TSPEAR: variants seen among roughly 807,000 people sequenced by gnomAD.
TSPEAR encodes the protein thrombospondin type laminin G domain and EAR repeats.
In TSPEAR, 69 loss-of-function variants were observed where a neutral mutation model predicts 71.6. That is an observed-to-expected ratio of 0.96 (90% CI 0.79 to 1.18). The LOEUF (loss-of-function observed/expected upper bound fraction) is 1.18. Among genes scored for constraint, TSPEAR ranks in the 50% most tolerant of loss-of-function variants. The pLI, the probability that TSPEAR is intolerant of heterozygous loss-of-function variation, is 0.00. For synonymous variants in TSPEAR, 402 were observed against 387.2 expected, an observed-to-expected ratio of 1.04 and a Z score of -0.45; for missense variants, 971 against 894.9, an observed-to-expected ratio of 1.09 and a Z score of -1.09.
intron 1 of TSPEAR, among the ~76,000 whole-genome samples, chr21:44,667,817 C>T (rs1054328263): frequency 2.0e-5 from 3 of 152,180 alleles, no homozygotes; most frequent in Non-Finnish European, 4.4e-5. Flanking sequence ...GAAAAAACCA[C>T]GTGATCATCT....
intron 1 of TSPEAR, among the ~76,000 whole-genome samples, chr21:44,703,155 G>A (rs1481624290): frequency 1.3e-5 from 2 of 152,128 alleles, no homozygotes; most frequent in South Asian, 2.1e-4. Context: ...CTGCCTCTGC[G>A]TGCTCCTCTC....
At chr21:44,562,427 A>G (rs960492852) in intron 2 of TSPEAR, among the ~76,000 whole-genome samples, 4 of 152,236 alleles carry the variant, frequency 2.6e-5, no homozygotes, top group Non-Finnish European at 4.4e-5. Flanking sequence ...TATAGATTCA[A>G]TGCTATTCCC....
At chr21:44,550,105 G>A (rs1292159053) in intron 2 of TSPEAR, among the ~76,000 whole-genome samples, 43 of 152,382 alleles carry the variant, frequency 2.8e-4, no homozygotes, top group African/African-American at 9.1e-4. Flanking sequence ...GTGGGGCGTT[G>A]GCCTGAGTCA....
chr21:44,698,885 A>G (rs1431400174), intron 1 of TSPEAR, among the ~76,000 whole-genome samples: 1 of 152,202 alleles, frequency 6.6e-6, no homozygotes, highest in African/African-American at 2.4e-5. Flanking sequence ...AGCCGGGGCA[A>G]CAGAGTGAAA....
chr21:44,649,955 C>T (rs59790207), intron 1 of TSPEAR, among the ~76,000 whole-genome samples: 2,982 of 152,270 alleles, frequency 0.02, 98 homozygotes, highest in African/African-American at 0.068. Flanking sequence ...CCAGACGTGG[C>T]GCATGCCTGT....
chr21:44,568,660 AGCAGAGGGCT>A (rs2053740313), intron 1 of TSPEAR, among the ~76,000 whole-genome samples: 1 of 152,150 alleles, frequency 6.6e-6, no homozygotes, highest in South Asian at 2.1e-4. Flanking sequence ...ATTCGGGGCT[AGCAGAGGGCT>A]GCAGATCAGA....
Position 44,642,629 on chromosome 21 carries a change from G to A in TSPEAR, c.82+68804C>T, listed in dbSNP as rs1555938761. Among the ~76,000 whole-genome samples, 1 of 152,158 alleles carries A rather than the reference G, an allele frequency of 6.6e-6. No individual in the cohort carries two copies. Among genetic ancestry groups the A allele is most frequent in the African/African-American group, 2.4e-5 (1 of 41,432 alleles). ...GAGGCCGAGGCAGGCAGATCACGAG[G>A]TCAGGAGATCGAGACCATCCTGGCT... On this transcript the variant is annotated intron_variant, in intron 1 of 11. Transcript: ENST00000323084. The surrounding 1 kb of genome is among the most constrained non-coding windows in gnomAD (Gnocchi z 4.1).
chr21:44,641,061 C>A (rs1258900700), intron 1 of TSPEAR, among the ~76,000 whole-genome samples: 1 of 152,178 alleles, frequency 6.6e-6, no homozygotes, highest in Non-Finnish European at 1.5e-5. Flanking sequence ...TCATCAGAGC[C>A]CCAGCATCAG....
intron 1 of TSPEAR, chr21:44,690,622 T>C: frequency 1.0e-6 from 1 of 984,622 alleles, no homozygotes; most frequent in African/African-American, 1.7e-5. Flanking sequence ...AATAAACAGG[T>C]TAAACAGAAG....
intron 1 of TSPEAR, chr21:44,682,076 C>T (rs782395683): frequency 5.6e-5 from 91 of 1,613,822 alleles, no homozygotes; most frequent in Admixed American, 8.3e-5. Flanking sequence ...AGGGGCTGGG[C>T]GCGCAGCAGG....
At chr21:44,545,069 C>T (rs782722745) in intron 2 of TSPEAR, among the ~76,000 whole-genome samples, 76 of 151,482 alleles carry the variant, frequency 5.0e-4, no homozygotes, top group Non-Finnish European at 8.1e-4. Context: ...CCTGTAATCC[C>T]AGCATTTTGG....
intron 1 of TSPEAR, chr21:44,574,848 C>T (rs782520124): frequency 1.9e-6 from 3 of 1,613,842 alleles, no homozygotes; most frequent in Admixed American, 1.7e-5. Flanking sequence ...CGTGTCCCTC[C>T]TCTGCCGCCC....
chr21:44,558,868 A>G (rs2053593443), intron 2 of TSPEAR: 2 of 985,838 alleles, frequency 2.0e-6, no homozygotes, highest in African/African-American at 3.3e-5. Context: ...TGGCTTCGAG[A>G]AGCCTTCCTC....
chr21:44,547,154 T>C (rs1183316931), intron 2 of TSPEAR, among the ~76,000 whole-genome samples: 2 of 152,230 alleles, frequency 1.3e-5, no homozygotes, highest in African/African-American at 4.8e-5. Context: ...CCTGATAAAA[T>C]CTGCTGTTGA....
intron 1 of TSPEAR, among the ~76,000 whole-genome samples, chr21:44,621,340 C>A (rs374060247): frequency 3.9e-5 from 6 of 152,280 alleles, no homozygotes; most frequent in African/African-American, 1.4e-4. Flanking sequence ...ATTTTTGTTT[C>A]ATATACATTG....
At chr21:44,590,046 G>T (rs1485777951) in intron 1 of TSPEAR, among the ~76,000 whole-genome samples, 1 of 151,918 alleles carries the variant, frequency 6.6e-6, no homozygotes, top group Non-Finnish European at 1.5e-5. Flanking sequence ...CCCTGGGGAC[G>T]GCTGCTGCTG....
intron 9 of TSPEAR, 49 bp downstream of exon 9, chr21:44,521,834 G>T: frequency 6.4e-7 from 1 of 1,551,084 alleles, no homozygotes. Context: ...GCAGGTGACA[G>T]ACGCAGTGGC....
intron 11 of TSPEAR, among the ~76,000 whole-genome samples, chr21:44,502,050 T>G (rs1253752544): frequency 6.6e-6 from 1 of 152,240 alleles, no homozygotes; most frequent in African/African-American, 2.4e-5. Flanking sequence ...AGTGGCTTAT[T>G]CAATAATTCT....
chr21:44,672,873 G>A (rs1257650456), intron 1 of TSPEAR, among the ~76,000 whole-genome samples: 3 of 152,104 alleles, frequency 2.0e-5, no homozygotes, highest in African/African-American at 7.2e-5. Flanking sequence ...TCCTGCTCCA[G>A]CCATGTAGGA....
Sources: allele counts gnomAD v4.1 joint callset (sites outside exome capture counted in the v4.1 genomes callset), GRCh38; gene constraint gnomAD v4.1.1; non-coding constraint Gnocchi (gnomAD v3.1); transcripts MANE v1.5; gene names NCBI Gene and HGNC (gene_info 2026-07-23, HGNC 2026-07-21).